HSD17B12: variants seen among roughly 807,000 people sequenced by gnomAD.
HSD17B12 encodes hydroxysteroid 17-beta dehydrogenase 12.
In HSD17B12, 32 loss-of-function variants were observed where a neutral mutation model predicts 39.3. That is an observed-to-expected ratio of 0.81 (90% CI 0.61 to 1.09). HSD17B12 has a LOEUF of 1.09. Among genes scored for constraint, HSD17B12 ranks in the 50% least tolerant of loss-of-function variants. HSD17B12 has a pLI of 0.00. For synonymous variants in HSD17B12, 150 were observed against 146.7 expected, an observed-to-expected ratio of 1.02 and a Z score of -0.16; for missense variants, 342 against 382.9, an observed-to-expected ratio of 0.89 and a Z score of 0.89.
intron 3 of HSD17B12, among the ~76,000 whole-genome samples, chr11:43,775,484 AT>A (rs146985020): frequency 0.21 from 32,222 of 150,678 alleles, 3,618 homozygotes; most frequent in Middle Eastern, 0.37. Flanking sequence ...AATTTTAAGA[AT>A]TTTTTTTTTA....
chr11:43,597,242 G>A, the HSD17B12 span, among the ~76,000 whole-genome samples: 3 of 152,268 alleles, frequency 2.0e-5, no homozygotes, highest in South Asian at 6.2e-4. Flanking sequence ...AAGATGAGTA[G>A]GATTTTGATA....
chr11:43,812,394 C>T (rs1391689587), intron 4 of HSD17B12, among the ~76,000 whole-genome samples: 2 of 152,120 alleles, frequency 1.3e-5, no homozygotes, highest in African/African-American at 4.8e-5. Context: ...TATTTTTTGG[C>T]TTTTTAATAA....
chr11:43,722,601 C>T (rs770035115), intron 1 of HSD17B12, among the ~76,000 whole-genome samples: 2 of 152,134 alleles, frequency 1.3e-5, no homozygotes, highest in African/African-American at 4.8e-5. Context: ...AATCCCAGCA[C>T]TTTGGGAGGC....
chr11:43,846,278 A>G (rs894787223), intron 9 of HSD17B12, among the ~76,000 whole-genome samples: 3 of 152,254 alleles, frequency 2.0e-5, no homozygotes, highest in Admixed American at 6.5e-5. Context: ...TTCATTGGAT[A>G]TCTACAATAT....
chr11:43,777,338 A>C (rs572041916), intron 3 of HSD17B12, among the ~76,000 whole-genome samples: 3 of 152,188 alleles, frequency 2.0e-5, no homozygotes, highest in African/African-American at 7.2e-5. Context: ...TGTAAGTTGG[A>C]TTCCTAGGTA....
At chr11:43,703,404 C>T (rs1275096651) in intron 1 of HSD17B12, among the ~76,000 whole-genome samples, 8 of 152,046 alleles carry the variant, frequency 5.3e-5, no homozygotes, top group South Asian at 2.1e-4. Context: ...CCGTTTTAGC[C>T]GGGATGGTCT....
the HSD17B12 span, among the ~76,000 whole-genome samples, chr11:43,636,086 AC>A: frequency 6.6e-6 from 1 of 152,208 alleles, no homozygotes; most frequent in Non-Finnish European, 1.5e-5. Context: ...TACCCATATA[AC>A]CCTTGAAAGT....
At chr11:43,656,839 A>T in the HSD17B12 span, among the ~76,000 whole-genome samples, 3 of 152,156 alleles carry the variant, frequency 2.0e-5, no homozygotes, top group African/African-American at 7.2e-5. Context: ...TCAATTTTGG[A>T]ATAGGTGTGG....
chr11:43,581,204 G>C, the HSD17B12 span, among the ~76,000 whole-genome samples: 53 of 152,230 alleles, frequency 3.5e-4, no homozygotes, highest in African/African-American at 1.3e-3. This position sits in a 1 kb window ranked among gnomAD's most constrained non-coding sequence, Gnocchi z 4.9. Context: ...TCTCGGGGCT[G>C]AGTTGGGGGA....
At chr11:43,640,180 G>T in the HSD17B12 span, among the ~76,000 whole-genome samples, 9 of 152,058 alleles carry the variant, frequency 5.9e-5, no homozygotes, top group African/African-American at 2.2e-4. Context: ...TAGAAAACTG[G>T]TGTAGGAAAA....
chr11:43,833,211 A>G (rs887884488), intron 7 of HSD17B12: 3 of 152,166 alleles, frequency 2.0e-5, no homozygotes, highest in African/African-American at 7.2e-5. Context: ...GGTTAGGAAA[A>G]GGAACGTCTA....
At chr11:43,790,307 A>G (rs1950855450) in intron 3 of HSD17B12, among the ~76,000 whole-genome samples, 1 of 152,224 alleles carries the variant, frequency 6.6e-6, no homozygotes, top group African/African-American at 2.4e-5. Context: ...TCAGATGTTC[A>G]TGCCAGCTTG....
intron 4 of HSD17B12, among the ~76,000 whole-genome samples, chr11:43,811,092 C>A (rs1422225843): frequency 1.3e-5 from 2 of 152,154 alleles, no homozygotes; most frequent in Non-Finnish European, 2.9e-5. Context: ...CTACTCAAAG[C>A]CTGTTCTTTC....
intron 1 of HSD17B12, among the ~76,000 whole-genome samples, chr11:43,690,404 A>ATTTTTTTTTT (rs1206545700): frequency 2.0e-4 from 5 of 24,956 alleles, no homozygotes; most frequent in Non-Finnish European, 3.4e-4. Flanking sequence ...ATATATATAT[A>ATTTTTTTTTT]TTTTTTTTTT....
At chr11:43,706,575 T>G (rs540765672) in intron 1 of HSD17B12, among the ~76,000 whole-genome samples, 17 of 152,228 alleles carry the variant, frequency 1.1e-4, no homozygotes, top group African/African-American at 3.9e-4. Context: ...CTGTGAAGAC[T>G]TTGGTCATAC....
intron 3 of HSD17B12, among the ~76,000 whole-genome samples, chr11:43,791,358 C>G (rs897259430): frequency 6.6e-6 from 1 of 152,006 alleles, no homozygotes; most frequent in Non-Finnish European, 1.5e-5. Context: ...GTGGCAAAAC[C>G]CTGTCTCTAC....
intron 3 of HSD17B12, among the ~76,000 whole-genome samples, chr11:43,795,085 T>C (rs1369031935): frequency 6.6e-6 from 1 of 152,160 alleles, no homozygotes; most frequent in Non-Finnish European, 1.5e-5. Context: ...GTATATCTGG[T>C]ATCTACTTCT....
chr11:43,738,495 C>G (rs1056025116), intron 1 of HSD17B12, among the ~76,000 whole-genome samples: 1 of 151,838 alleles, frequency 6.6e-6, no homozygotes, highest in Non-Finnish European at 1.5e-5. Flanking sequence ...AGTTAAACTT[C>G]TCTCTGTTAA....
rs1467937755 is a variant in HSD17B12 at position 43,680,812 on chromosome 11, G to A, written c.-16G>A. 2 of 1,609,964 alleles carry A rather than the reference G, an allele frequency of 1.2e-6. No individual in the cohort carries two copies. The highest frequency in any genetic ancestry group is 1.7e-6 in the Non-Finnish European group (2 of 1,176,242). On this transcript the variant is annotated 5_prime_UTR_variant, in exon 1 of 11. Coordinates refer to ENST00000278353, the MANE Select transcript of HSD17B12 (RefSeq NM_016142.3). The stretch of plus-strand genomic sequence containing the variant: ...CTCTTTTCATTCACGAAGGTAGTGA[G>A]GCCTAGTGGAAAGCCATGGAGAGCG...
Sources: gnomAD v4.1 joint callset for allele counts (sites outside exome capture counted in the v4.1 genomes callset) on GRCh38, gnomAD v4.1.1 for gene constraint, Gnocchi (gnomAD v3.1) non-coding constraint, MANE v1.5 for transcripts, NCBI Gene and HGNC (gene_info 2026-07-23, HGNC 2026-07-21) for gene names.